Variants in SERPINB1 observed in about 807,000 individuals in gnomAD.
The protein encoded by SERPINB1 is serpin family B member 1.
SERPINB1 carries 23 observed loss-of-function variants against 25.9 expected under a neutral mutation model. The ratio of observed to expected loss-of-function variants is 0.89; its 90% CI spans 0.64 to 1.26. SERPINB1 has a LOEUF of 1.26. Ranked by LOEUF, SERPINB1 falls within the 50% of genes most tolerant of loss-of-function variation. SERPINB1 has a pLI of 0.00. For missense variants in SERPINB1, 399 were observed against 463.6 expected (o/e 0.86, Z 1.28); for synonymous variants, 178 against 178.7 (o/e 1.00, Z 0.03).
chr6:2,834,295 TCATCCATCCATCCATCCATCCATC>T (rs570666148), intron 6 of SERPINB1, among the ~76,000 whole-genome samples: 1 of 118,124 alleles, frequency 8.5e-6, no homozygotes, highest in Non-Finnish European at 1.9e-5. Flanking sequence ...ATTTGTCCAC[TCATCCATCCATCCATCCATCCATC>T]CATCCATCCA....
chr6:2,838,249 G>A (rs1405050621), intron 3 of SERPINB1, among the ~76,000 whole-genome samples: 1 of 152,072 alleles, frequency 6.6e-6, no homozygotes, highest in African/African-American at 2.4e-5. Context: ...TTGTTATATA[G>A]AAATTACCAC....
rs1766353863 is a variant in SERPINB1 at position 2,832,364 on chromosome 6, T to C, written c.*1244A>G. The C allele has an allele frequency of 6.6e-6, 1 of 152,192 alleles. No homozygotes were observed. Among genetic ancestry groups the C allele is most frequent in the Non-Finnish European group, 1.5e-5 (1 of 68,048 alleles). 9.4% of individuals were successfully genotyped at this position (152,192 alleles called of 1,614,324 possible). ...CAGAATCCTAGGACGTTTTATTAAT[T>C]CATGATGCCCACTATCCTTGTGGGA... On this transcript the variant is annotated 3_prime_UTR_variant, in exon 7 of 7. Transcript: ENST00000380739.
At chr6:2,838,145 T>C (rs1042189406) in intron 3 of SERPINB1, 146 bp from the exon 4 acceptor site, 1 of 618,734 alleles carries the variant, frequency 1.6e-6, no homozygotes, top group African/African-American at 1.8e-5. Flanking sequence ...TAGTTTTTCT[T>C]ATAGTAGTAA....
chr6:2,835,683 T>TA (rs1210794723), intron 6 of SERPINB1, among the ~76,000 whole-genome samples, 173 bp downstream of exon 6: 2 of 151,628 alleles, frequency 1.3e-5, no homozygotes, highest in East Asian at 1.9e-4. Flanking sequence ...TAAGTAAATT[T>TA]AAAAAAAAAT....
chr6:2,833,721 A>G lies in SERPINB1; in HGVS notation c.1027T>C (p.Phe343Leu). Residue 343 changes from phenylalanine (F) to leucine (L), a missense_variant, in exon 7 of 7, where the codon TTC becomes CTC. By Grantham distance (22) the Phe-to-Leu change is conservative. Transcript: ENST00000380739. The stretch of plus-strand genomic sequence containing the variant: ...TTTTCTTCGGGCATCAACATGCAGA[A>G]AGTTGCGATGCCTGCTGTGGCAGCT... ...AAAATAGIAT[F>L]CMLMPEENFT... 6.2e-7 allele frequency: 1 copy of G among 1,614,216 alleles called. No homozygotes were observed. The highest frequency in any genetic ancestry group is 8.5e-7 in the Non-Finnish European group (1 of 1,180,038).
In SERPINB1 at chr6:2,839,511, T is replaced by A. The variant is rs537087251; in HGVS notation, c.169-825A>T. 3.7e-5 allele frequency: 36 copies of A among 970,332 alleles called. No homozygotes were observed. In the East Asian group the frequency reaches 1.4e-3, roughly 37 times the overall value. 60.1% of individuals were successfully genotyped at this position (970,332 alleles called of 1,614,324 possible). ...ATTAGTAACAGAGGTTTTTTTTTTT[T>A]AATGGATTTAAAAAAAACATTTAAA... On this transcript the variant is annotated intron_variant, in intron 2 of 6. Coordinates refer to ENST00000380739, the MANE Select transcript of SERPINB1 (RefSeq NM_030666.4).
At chr6:2,840,173 A>G (rs1029401550) in intron 2 of SERPINB1, among the ~76,000 whole-genome samples, 12 of 152,204 alleles carry the variant, frequency 7.9e-5, no homozygotes, top group African/African-American at 2.9e-4. Flanking sequence ...GATTTTTGTC[A>G]GCTTTGCTCA....
chr6:2,832,874 A>G lies in SERPINB1; in HGVS notation c.*734T>C, dbSNP rs957763666. The G allele has an allele frequency of 6.6e-6, 1 of 152,326 alleles. No homozygotes were observed. Among genetic ancestry groups the G allele is most frequent in the African/African-American group, 2.4e-5 (1 of 41,434 alleles). 9.4% of individuals were successfully genotyped at this position (152,326 alleles called of 1,614,324 possible). A position where few individuals can be genotyped will look rare whatever the true frequency, so the allele number is the denominator to read the frequency against. Reference sequence around the variant, plus strand: ...AAAGAAAACACATGAGAAGGTGGCTAACAGTAAAACCTTTGTTCAGCAGTT... The same window carrying G: ...AAAGAAAACACATGAGAAGGTGGCTGACAGTAAAACCTTTGTTCAGCAGTT... On this transcript the variant is annotated 3_prime_UTR_variant, in exon 7 of 7. Coordinates refer to ENST00000380739, the MANE Select transcript of SERPINB1 (RefSeq NM_030666.4).
Position 2,835,853 on chromosome 6 carries a change from T to C in SERPINB1, c.735+3A>G, listed in dbSNP as rs752371052. On this transcript the variant is annotated splice_donor_region_variant and intron_variant, in intron 6 of 6. Transcript: ENST00000380739. Reference sequence around the variant, plus strand: ...CACAAAGCATGAAGCCCAGGAGCCATACCTTCTTCAGGCCCGTGGACTCGT... The same window carrying C: ...CACAAAGCATGAAGCCCAGGAGCCACACCTTCTTCAGGCCCGTGGACTCGT... 2 of 1,611,032 alleles carry C rather than the reference T, an allele frequency of 1.2e-6. No homozygotes were observed. Among genetic ancestry groups the C allele is most frequent in the Non-Finnish European group, 1.7e-6 (2 of 1,178,364 alleles).
chr6:2,836,377 T>C (rs1329373178), intron 4 of SERPINB1, 127 bp from the exon 5 acceptor site: 3 of 1,056,938 alleles, frequency 2.8e-6, no homozygotes, highest in East Asian at 2.6e-5. Flanking sequence ...TAACAAGATA[T>C]TAACTTAGGA....
chr6:2,840,287 G>T, intron 2 of SERPINB1, 132 bp downstream of exon 2: 2 of 1,106,648 alleles, frequency 1.8e-6, no homozygotes, highest in Non-Finnish European at 2.6e-6. Context: ...TGACTTTTCT[G>T]AAAGTCTGAT....
Position 2,837,771 on chromosome 6 carries a change from G to C in SERPINB1, c.424+111C>G. 1 of 805,210 alleles carries C rather than the reference G, an allele frequency of 1.2e-6. No homozygotes were observed. Among genetic ancestry groups the C allele is most frequent in the Non-Finnish European group, 2.1e-6 (1 of 468,914 alleles). The allele number at this position is 805,210 out of a possible 1,614,324, so 49.9% of individuals were successfully genotyped here. A position where few individuals can be genotyped will look rare whatever the true frequency, so the allele number is the denominator to read the frequency against. On this transcript the variant is annotated intron_variant, in intron 4 of 6. Coordinates refer to ENST00000380739, the MANE Select transcript of SERPINB1 (RefSeq NM_030666.4). The surrounding 1 kb of genome is among the most constrained non-coding windows in gnomAD (Gnocchi z 4.3). ...CGTCCTCTGACTGTAACCACGATGT[G>C]CGCCAGGACTGTGGGAGCTGGGGAG...
At chr6:2,839,412 C>A (rs894593188) in intron 2 of SERPINB1, 3 of 984,766 alleles carry the variant, frequency 3.0e-6, no homozygotes, top group Non-Finnish European at 2.4e-6. Flanking sequence ...TAAAACTATT[C>A]TTTGCTGAGG....
rs888980814 is a variant in SERPINB1, at chr6:2,841,148, C to T, written c.-8-554G>A. 1 of 152,144 alleles carries T rather than the reference C, an allele frequency of 6.6e-6. No homozygotes were observed. The highest frequency in any genetic ancestry group is 2.4e-5 in the African/African-American group (1 of 41,406). The allele number at this position is 152,144 out of a possible 1,614,324, so 9.4% of individuals were successfully genotyped here. A position where few individuals can be genotyped will look rare whatever the true frequency, so the allele number is the denominator to read the frequency against. On this transcript the variant is annotated intron_variant, in intron 1 of 6. Transcript: ENST00000380739. This position sits in a 1 kb window ranked among gnomAD's most constrained non-coding sequence, Gnocchi z 4.5. ...ATAATTCTTCCTTATTTTTGAGGTTCAAAAGGTATGAGGTCCAGTGCCCAC... is the reference window on the plus strand; with the variant it reads ...ATAATTCTTCCTTATTTTTGAGGTTTAAAAGGTATGAGGTCCAGTGCCCAC...
rs569769457 is a variant in SERPINB1 at position 2,837,309 on chromosome 6, C to T, written c.424+573G>A. On this transcript the variant is annotated intron_variant, in intron 4 of 6. Transcript: ENST00000380739. This position sits in a 1 kb window ranked among gnomAD's most constrained non-coding sequence, Gnocchi z 4.3. ...TATTATTTTTTTTACGACGGAGTCT[C>T]GCTCTGTTGCCTAGGCTGGAGTACA... 8.5e-5 allele frequency among the ~76,000 whole-genome samples: 13 copies of T among 152,082 alleles called. No homozygotes were observed. Among genetic ancestry groups the T allele is most frequent in the South Asian group, 2.1e-4 (1 of 4,808 alleles).
At position 2,841,006 on chromosome 6, in the gene SERPINB1, T is replaced by C. The variant is rs1228023359; in HGVS notation, c.-8-412A>G. Among the ~76,000 whole-genome samples the C allele has an allele frequency of 2.0e-5, 3 of 152,154 alleles. No individual in the cohort carries two copies. The highest frequency in any genetic ancestry group is 6.5e-5 in the Admixed American group (1 of 15,284). On this transcript the variant is annotated intron_variant, in intron 1 of 6. Coordinates refer to ENST00000380739, the MANE Select transcript of SERPINB1 (RefSeq NM_030666.4). The surrounding 1 kb of genome is among the most constrained non-coding windows in gnomAD (Gnocchi z 4.5). ...GCCTTTGATTCAAGTCTCTGATTCA[T>C]TGGGCAATGAATCCATTGCCTACCT...
At position 2,833,512 on chromosome 6, in the gene SERPINB1, G is replaced by A; in HGVS notation, c.*96C>T. ...ATGAAAGACTTGTTTCTGAACAGTGGTTTTATTGGTAAAGATATAAGACAT... is the reference window on the plus strand; with the variant it reads ...ATGAAAGACTTGTTTCTGAACAGTGATTTTATTGGTAAAGATATAAGACAT... On this transcript the variant is annotated 3_prime_UTR_variant, in exon 7 of 7. Coordinates refer to ENST00000380739, the MANE Select transcript of SERPINB1 (RefSeq NM_030666.4). The A allele has an allele frequency of 1.7e-6, 2 of 1,179,916 alleles. No individual in the cohort carries two copies. The highest frequency in any genetic ancestry group is 2.3e-6 in the Non-Finnish European group (2 of 861,778). 73.1% of individuals were successfully genotyped at this position (1,179,916 alleles called of 1,614,324 possible).
chr6:2,833,211 A>T lies in SERPINB1; in HGVS notation c.*397T>A, dbSNP rs1400074443. ...ATCTGTTTTTAAACCTCCCTTCAAC[A>T]GTCAGGGTGTCTGTCTATTTTGTGG... On this transcript the variant is annotated 3_prime_UTR_variant, in exon 7 of 7. Transcript: ENST00000380739. 1 of 159,962 alleles carries T rather than the reference A, an allele frequency of 6.3e-6. No individual in the cohort carries two copies. The highest frequency in any genetic ancestry group is 1.4e-5 in the Non-Finnish European group (1 of 73,600). 9.9% of individuals were successfully genotyped at this position (159,962 alleles called of 1,614,324 possible).
At chr6:2,834,310 T>TCCCC (rs71750279) in intron 6 of SERPINB1, among the ~76,000 whole-genome samples, 1 of 150,076 alleles carries the variant, frequency 6.7e-6, no homozygotes. Flanking sequence ...CATCCATCCA[T>TCCCC]CCATCCATCC....
Sources: allele counts gnomAD v4.1 joint callset (sites outside exome capture counted in the v4.1 genomes callset), GRCh38; gene constraint gnomAD v4.1.1; non-coding constraint Gnocchi (gnomAD v3.1); transcripts MANE v1.5; gene names NCBI Gene and HGNC (gene_info 2026-07-23, HGNC 2026-07-21).